TNFAIP3: variants seen among roughly 807,000 people sequenced by gnomAD.
The protein encoded by TNFAIP3 is TNF alpha induced protein 3.
A neutral mutation model predicts 72.4 loss-of-function variants in TNFAIP3; 9 were observed. The ratio of observed to expected loss-of-function variants is 0.12; its 90% CI spans 0.07 to 0.22. The LOEUF is 0.22. Ranked by LOEUF, TNFAIP3 falls within the 10% of genes least tolerant of loss-of-function variation. The pLI is 1.00. For synonymous variants in TNFAIP3, 339 were observed against 372.6 expected (o/e 0.91, Z 1.04); for missense variants, 833 against 1,018.7 (o/e 0.82, Z 2.48).
At chr6:137,879,380 A>G in intron 7 of TNFAIP3, 29 bp downstream of exon 7, 1 of 1,592,690 alleles carries the variant, frequency 6.3e-7, no homozygotes, top group Non-Finnish European at 8.6e-7. Flanking sequence ...TTCCTAACAC[A>G]GCGGCTGCTG....
In TNFAIP3 at chr6:137,878,617, A is replaced by G. The variant is rs748081889; in HGVS notation, c.1172A>G (p.Asn391Ser). The change falls in exon 7 of 9, where the codon AAC (asparagine) becomes AGC (serine). Residue 391 changes from asparagine to serine, a missense_variant. Asn to Ser is a conservative substitution (Grantham distance 46, BLOSUM62 1). This residue lies in a region of TNFAIP3 where 587 missense variants were observed against 657.8 expected (regional missense o/e 0.89). Transcript: ENST00000612899. ...SLMDVKCETP[N>S]CPFFMSVNTQ... ...ATGGATGTAAAATGTGAAACGCCCA[A>G]CTGCCCCTTCTTCATGTCTGTGAAC... The G allele has an allele frequency of 3.1e-6, 5 of 1,614,098 alleles. No homozygotes were observed. Among genetic ancestry groups the G allele is most frequent in the Admixed American group, 3.3e-5 (2 of 60,008 alleles).
intron 2 of TNFAIP3, 71 bp from the exon 3 acceptor site, chr6:137,874,774 T>C: frequency 6.6e-7 from 1 of 1,509,128 alleles, no homozygotes; most frequent in East Asian, 2.3e-5. Context: ...TGGTTTATTC[T>C]GAAAACCTTT....
chr6:137,875,963 G>A, intron 4 of TNFAIP3, 33 bp from the exon 5 acceptor site: 1 of 1,605,496 alleles, frequency 6.2e-7, no homozygotes, highest in Non-Finnish European at 8.5e-7. Context: ...AGTCACCTAA[G>A]GGCCTCATTT....
rs771428531 is a variant in TNFAIP3, at chr6:137,878,914, A to G, written c.1469A>G (p.Gln490Arg). The G allele has an allele frequency of 6.2e-7, 1 of 1,614,198 alleles. No individual in the cohort carries two copies. Among genetic ancestry groups the G allele is most frequent in the Non-Finnish European group, 8.5e-7 (1 of 1,180,030 alleles). The change falls in exon 7 of 9, where the codon CAG becomes CGG. Residue 490 changes from glutamine (Q) to arginine (R), a missense_variant. Gln to Arg is a conservative substitution (Grantham distance 43). This residue lies in a region of TNFAIP3 where 587 missense variants were observed against 657.8 expected (regional missense o/e 0.89). Coordinates refer to ENST00000612899, the MANE Select transcript of TNFAIP3 (RefSeq NM_001270508.2). ...SPGCPFTLNV[Q>R]HNGFCERCHN... ...GGCTGCCCCTTCACACTGAATGTGC[A>G]GCACAACGGATTTTGTGAACGTTGC... is the stretch of plus-strand genomic sequence containing the variant.
At chr6:137,872,662 T>G (rs138941334) in intron 2 of TNFAIP3, among the ~76,000 whole-genome samples, 1 of 152,186 alleles carries the variant, frequency 6.6e-6, no homozygotes, top group African/African-American at 2.4e-5. Context: ...GAAACACTGA[T>G]TCTTAGAAAC....
intron 1 of TNFAIP3, among the ~76,000 whole-genome samples, chr6:137,868,454 G>A (rs1775918841): frequency 1.3e-5 from 2 of 152,096 alleles, no homozygotes; most frequent in African/African-American, 2.4e-5. Flanking sequence ...TTAAGGTGCT[G>A]CTTTGATTTT....
chr6:137,872,872 C>A (rs897038519), intron 2 of TNFAIP3, among the ~76,000 whole-genome samples: 1 of 151,802 alleles, frequency 6.6e-6, no homozygotes, highest in Non-Finnish European at 1.5e-5. Flanking sequence ...AAAGATTCTG[C>A]TGAATTAAAA....
chr6:137,883,297 A>G lies in TNFAIP3; in HGVS notation c.*1978A>G, dbSNP rs1211917220. The stretch of plus-strand genomic sequence containing the variant: ...TTCACAAGAGTCAACATTAAAAAAT[A>G]AATTATTTAAGAACAGATTGTGATG... On this transcript the variant is annotated 3_prime_UTR_variant, in exon 9 of 9. Coordinates refer to ENST00000612899, the MANE Select transcript of TNFAIP3 (RefSeq NM_001270508.2). 5.4e-6 allele frequency: 1 copy of G among 183,804 alleles called. No individual in the cohort carries two copies. Among genetic ancestry groups the G allele is most frequent in the African/African-American group, 2.3e-5 (1 of 42,590 alleles). The allele number at this position is 183,804 out of a possible 1,614,324, so 11.4% of individuals were successfully genotyped here. A position where few individuals can be genotyped will look rare whatever the true frequency, so the allele number is the denominator to read the frequency against.
chr6:137,874,771 T>C (rs1486321022), intron 2 of TNFAIP3, 74 bp from the exon 3 acceptor site: 1 of 1,485,098 alleles, frequency 6.7e-7, no homozygotes, highest in Non-Finnish European at 9.2e-7. Flanking sequence ...GGCTGGTTTA[T>C]TCTGAAAACC....
At chr6:137,870,191 G>A (rs1261067587) in intron 1 of TNFAIP3, among the ~76,000 whole-genome samples, 1 of 152,204 alleles carries the variant, frequency 6.6e-6, no homozygotes, top group African/African-American at 2.4e-5. Flanking sequence ...GGAGGGTGAT[G>A]ATAAAATTTC....
chr6:137,872,224 T>A (rs528606461), intron 2 of TNFAIP3, among the ~76,000 whole-genome samples: 1 of 152,322 alleles, frequency 6.6e-6, no homozygotes, highest in South Asian at 2.1e-4. Context: ...TATTCCAAGC[T>A]TTACTGTTTT....
rs947939888 is a variant in TNFAIP3, at chr6:137,867,334, A to G, written c.-224A>G. The G allele has an allele frequency of 6.6e-6, 1 of 152,266 alleles. No individual in the cohort carries two copies. Among genetic ancestry groups the G allele is most frequent in the Non-Finnish European group, 1.5e-5 (1 of 68,156 alleles). 9.4% of individuals were successfully genotyped at this position (152,266 alleles called of 1,614,324 possible). A position where few individuals can be genotyped will look rare whatever the true frequency, so the allele number is the denominator to read the frequency against. ...CGGAGCGGTGAGAGCGGCCGCCAAG[A>G]GAGATCACACCCCCAGCCGACCCTG... On this transcript the variant is annotated 5_prime_UTR_variant, in exon 1 of 9. Transcript: ENST00000612899. This position sits in a 1 kb window ranked among gnomAD's most constrained non-coding sequence, Gnocchi z 6.0.
intron 7 of TNFAIP3, among the ~76,000 whole-genome samples, 185 bp downstream of exon 7, chr6:137,879,536 G>T (rs760547162): frequency 6.6e-6 from 1 of 152,238 alleles, no homozygotes; most frequent in Non-Finnish European, 1.5e-5. Flanking sequence ...GAGGCAAAAG[G>T]CACTGCGTGA....
intron 8 of TNFAIP3, 107 bp downstream of exon 8, chr6:137,880,359 G>T: frequency 1.7e-6 from 2 of 1,202,464 alleles, no homozygotes; most frequent in South Asian, 1.3e-5. Flanking sequence ...GCCAGGTTCT[G>T]TCTCCTCATG....
chr6:137,871,052 G>A lies in TNFAIP3; in HGVS notation c.-15-161G>A, dbSNP rs967097271. Among the ~76,000 whole-genome samples the A allele has an allele frequency of 2.0e-5, 3 of 152,172 alleles. No homozygotes were observed. The highest frequency in any genetic ancestry group is 4.4e-5 in the Non-Finnish European group (3 of 68,028). On this transcript the variant is annotated intron_variant, in intron 1 of 8. Transcript: ENST00000612899. The surrounding 1 kb of genome is among the most constrained non-coding windows in gnomAD (Gnocchi z 4.2). ...AACAGTCCAGTGTGAGTTAATCTCT[G>A]GGGCCAGCTAGTATCCCGGGAGTAG...
At chr6:137,877,280 C>G in intron 6 of TNFAIP3, 24 bp downstream of exon 6, 1 of 1,580,684 alleles carries the variant, frequency 6.3e-7, no homozygotes, top group Non-Finnish European at 8.6e-7. Context: ...GTTCAGCTCT[C>G]TCCTGTGTCA....
chr6:137,871,149 T>G lies in TNFAIP3; in HGVS notation c.-15-64T>G. On this transcript the variant is annotated intron_variant, in intron 1 of 8. Coordinates refer to ENST00000612899, the MANE Select transcript of TNFAIP3 (RefSeq NM_001270508.2). The surrounding 1 kb of genome is among the most constrained non-coding windows in gnomAD (Gnocchi z 4.2). ...AACACTGGGGTTTCCTGCAGGCAGC[T>G]ATAGAGGAGTCGTATTAAAGTCAGG... 1 of 1,467,284 alleles carries G rather than the reference T, an allele frequency of 6.8e-7. No homozygotes were observed. The highest frequency in any genetic ancestry group is 9.2e-7 in the Non-Finnish European group (1 of 1,091,762). 90.9% of individuals were successfully genotyped at this position (1,467,284 alleles called of 1,614,324 possible).
rs1312628597 is a variant in TNFAIP3, at chr6:137,882,782, C to A, written c.*1463C>A. ...GTATTGGGACAGCAAAAGCCAGTAA[C>A]CATGAGTATGAGGAAATCTCTTTCT... On this transcript the variant is annotated 3_prime_UTR_variant, in exon 9 of 9. Transcript: ENST00000612899. 8.6e-6 allele frequency: 2 copies of A among 231,492 alleles called. No homozygotes were observed. The highest frequency in any genetic ancestry group is 1.7e-5 in the Non-Finnish European group (2 of 117,048). The allele number at this position is 231,492 out of a possible 1,614,324, so 14.3% of individuals were successfully genotyped here.
At chr6:137,880,963 T>A in intron 8 of TNFAIP3, 72 bp from the exon 9 acceptor site, 1 of 1,496,204 alleles carries the variant, frequency 6.7e-7, no homozygotes, top group Non-Finnish European at 9.0e-7. Flanking sequence ...TGAGATTTCA[T>A]TGTGCTCTCC....
Sources: gnomAD v4.1 joint callset for allele counts (sites outside exome capture counted in the v4.1 genomes callset) on GRCh38, gnomAD v4.1.1 for gene constraint, gnomAD v4.1.1 regional missense constraint, Gnocchi (gnomAD v3.1) non-coding constraint, MANE v1.5 for transcripts, NCBI Gene and HGNC (gene_info 2026-07-23, HGNC 2026-07-21) for gene names.